The following DSCAM variants were observed in gnomAD, a reference collection of about 807,000 sequenced individuals.
DSCAM encodes the protein cell adhesion molecule DSCAM.
A neutral mutation model predicts 217.7 loss-of-function variants in DSCAM; 47 were observed. The observed-to-expected ratio is 0.22, with a 90% CI of 0.17 to 0.28. The LOEUF (loss-of-function observed/expected upper bound fraction) is 0.28, where lower values mean the gene tolerates loss of function less well. DSCAM is among the 10% of genes least tolerant of loss of function. The pLI is 1.00. For synonymous variants in DSCAM, 1,056 were observed against 1,015.3 expected (o/e 1.04, Z -0.76); for missense variants, 2,080 against 2,618.3 (o/e 0.79, Z 4.49).
At chr21:40,136,692 CT>C (rs911239767) in intron 18 of DSCAM, among the ~76,000 whole-genome samples, 5 of 152,032 alleles carry the variant, frequency 3.3e-5, no homozygotes, top group African/African-American at 4.8e-5. Flanking sequence ...TGATGAAGGT[CT>C]TTTTTTCCCA....
At chr21:40,366,032 A>T (rs1461737692) in intron 4 of DSCAM, among the ~76,000 whole-genome samples, 1 of 152,020 alleles carries the variant, frequency 6.6e-6, no homozygotes, top group Non-Finnish European at 1.5e-5. Flanking sequence ...TCTCCCTTAG[A>T]AGTAACTTGA....
intron 1 of DSCAM, among the ~76,000 whole-genome samples, chr21:40,747,025 T>C (rs1318541103): frequency 6.6e-6 from 1 of 151,820 alleles, no homozygotes; most frequent in Non-Finnish European, 1.5e-5. Flanking sequence ...AATGAAAATA[T>C]GCACACAACA....
In DSCAM at chr21:40,291,443, C is replaced by A. The variant is rs541303709; in HGVS notation, c.2182+4612G>T. ...CTCATTGCTCACCATACCCACTCCC[C>A]ACTTGGGCAGAGCCAGGTCCTTACA... On this transcript the variant is annotated intron_variant, in intron 10 of 32. Transcript: ENST00000400454. Among the ~76,000 whole-genome samples the A allele has an allele frequency of 5.9e-5, 9 of 152,336 alleles. No homozygotes were observed. The South Asian group carries it at 1.2e-3, about 21-fold the overall frequency.
intron 1 of DSCAM, among the ~76,000 whole-genome samples, chr21:40,709,176 C>T (rs1174579218): frequency 2.0e-5 from 3 of 152,110 alleles, no homozygotes; most frequent in Admixed American, 1.3e-4. Flanking sequence ...TTACCTGGAG[C>T]ATAGAGCCCA....
chr21:40,782,292 A>G (rs1034165316), intron 1 of DSCAM, among the ~76,000 whole-genome samples: 7 of 152,220 alleles, frequency 4.6e-5, no homozygotes, highest in African/African-American at 1.7e-4. Flanking sequence ...CCAACTGACC[A>G]TAAGTGGCCT....
At chr21:40,592,032 G>A (rs11909276) in intron 3 of DSCAM, among the ~76,000 whole-genome samples, 2,860 of 152,240 alleles carry the variant, frequency 0.019, 84 homozygotes, top group African/African-American at 0.066. Flanking sequence ...ATTTAAGAAG[G>A]TAGTCTACAA....
chr21:40,113,913 G>A (rs895585765), intron 20 of DSCAM, among the ~76,000 whole-genome samples: 2 of 151,854 alleles, frequency 1.3e-5, no homozygotes, highest in Middle Eastern at 3.4e-3. Context: ...AAATAAAAGA[G>A]GATACAAACA....
chr21:40,709,465 T>C (rs991594093), intron 1 of DSCAM, among the ~76,000 whole-genome samples: 1 of 152,192 alleles, frequency 6.6e-6, no homozygotes, highest in Non-Finnish European at 1.5e-5. Flanking sequence ...ACATTAGGTA[T>C]TTCTCCTAAT....
At chr21:40,084,051 A>T in intron 23 of DSCAM, 45 bp from the exon 24 acceptor site, 1 of 1,500,410 alleles carries the variant, frequency 6.7e-7, no homozygotes. Flanking sequence ...AGTTTTTCAC[A>T]TCTTTAACTT....
At chr21:40,834,428 AT>A (rs2092039835) in intron 1 of DSCAM, among the ~76,000 whole-genome samples, 3 of 25,286 alleles carry the variant, frequency 1.2e-4, no homozygotes, top group African/African-American at 2.8e-4. Context: ...TAATAATAAA[AT>A]AATAATAATA....
At chr21:40,501,535 C>T (rs899933287) in intron 3 of DSCAM, among the ~76,000 whole-genome samples, 1 of 151,028 alleles carries the variant, frequency 6.6e-6, no homozygotes, top group Non-Finnish European at 1.5e-5. Flanking sequence ...TGAGGTCATC[C>T]ATGAGCTGCC....
chr21:40,295,078 T>A (rs547026852), intron 10 of DSCAM, among the ~76,000 whole-genome samples: 1 of 151,966 alleles, frequency 6.6e-6, no homozygotes, highest in Non-Finnish European at 1.5e-5. Context: ...AAATGCAACA[T>A]GCTATTTTAA....
intron 11 of DSCAM, among the ~76,000 whole-genome samples, chr21:40,217,651 C>T (rs569814378): frequency 2.0e-5 from 3 of 152,258 alleles, no homozygotes; most frequent in African/African-American, 7.2e-5. Context: ...TCTCCACAAC[C>T]TCTCCAGCAT....
chr21:40,187,445 A>G (rs545009403), intron 13 of DSCAM, among the ~76,000 whole-genome samples, 186 bp from the exon 14 acceptor site: 1 of 152,324 alleles, frequency 6.6e-6, no homozygotes, highest in East Asian at 1.9e-4. Flanking sequence ...CTTTCCCAAG[A>G]CTTCCAATTT....
chr21:40,261,604 A>C (rs2073451060), intron 11 of DSCAM, among the ~76,000 whole-genome samples: 1 of 151,592 alleles, frequency 6.6e-6, no homozygotes, highest in African/African-American at 2.4e-5. Context: ...TAGCATCCAT[A>C]ATCATGTGGG....
chr21:40,080,288 T>C lies in DSCAM; in HGVS notation c.4284A>G (p.Pro1428=), dbSNP rs771319551. The stretch of plus-strand genomic sequence containing the variant: ...GATAGGAACGTTCGCTGGGGCTGAT[T>C]GGAAAACTCCCCCACTGCTCACTAT... ...EDNSEQWGSF[P]ISPSERSYRL... The change falls in exon 25 of 33, where the codon CCA becomes CCG. Residue 1428 remains proline (P), a synonymous_variant. Transcript: ENST00000400454. 22 of 1,613,392 alleles carry C rather than the reference T, an allele frequency of 1.4e-5. No homozygotes were observed. The highest frequency in any genetic ancestry group is 5.3e-5 in the African/African-American group (4 of 74,810).
intron 1 of DSCAM, among the ~76,000 whole-genome samples, chr21:40,722,131 G>C (rs1048190995): frequency 5.9e-5 from 9 of 152,034 alleles, no homozygotes; most frequent in African/African-American, 2.2e-4. Context: ...CCAAAGCTGA[G>C]AATTCATTGT....
intron 32 of DSCAM, among the ~76,000 whole-genome samples, chr21:40,017,216 C>A (rs557467674): frequency 2.0e-5 from 3 of 152,120 alleles, no homozygotes; most frequent in East Asian, 3.9e-4. Flanking sequence ...AATGTTATTA[C>A]CCGTCTTGAA....
intron 32 of DSCAM, among the ~76,000 whole-genome samples, chr21:40,025,515 T>C (rs1470189834): frequency 6.7e-6 from 1 of 149,824 alleles, no homozygotes; most frequent in Non-Finnish European, 1.5e-5. Flanking sequence ...CTCTTTTTGG[T>C]TGGTAAGCTA....
Sources: gnomAD v4.1 joint callset for allele counts (sites outside exome capture counted in the v4.1 genomes callset) on GRCh38, gnomAD v4.1.1 for gene constraint, MANE v1.5 for transcripts, NCBI Gene and HGNC (gene_info 2026-07-23, HGNC 2026-07-21) for gene names.